ATP10A: variants seen among roughly 807,000 people sequenced by gnomAD.
ATP10A encodes the protein ATPase phospholipid transporting 10A (putative).
Under a neutral mutation model 147.8 loss-of-function variants are expected in ATP10A, and 111 were observed. The ratio of observed to expected loss-of-function variants is 0.75; its 90% confidence interval spans 0.64 to 0.88. The LOEUF is 0.88. Among genes scored for constraint, ATP10A ranks in the 40% least tolerant of loss-of-function variants. The pLI is 0.00. For missense variants in ATP10A, 1,927 were observed against 1,959.0 expected (o/e 0.98, Z 0.31); for synonymous variants, 875 against 841.6 (o/e 1.04, Z -0.69).
intron 2 of ATP10A, among the ~76,000 whole-genome samples, chr15:25,737,753 C>G (rs1031812330): frequency 2.6e-5 from 4 of 152,152 alleles, no homozygotes; most frequent in African/African-American, 9.7e-5. Flanking sequence ...GAGAGGAAGT[C>G]TTTAAAGAGG....
rs150127969 is a variant in ATP10A, at chr15:25,679,376, G to A, written c.4465C>T (p.Leu1489=). ...CGCCTTGAAGATGCTCCTATAAGTA[G>A]TCTGTGGTCTGGCCCTTGAAGTCCT... is the stretch of plus-strand genomic sequence containing the variant. ...RSGLQGPDHR[L]LIGASSRRSQ is the part of the protein sequence containing the mutation. The change falls in exon 21 of 21, where the codon CTA becomes TTA. Residue 1489 remains leucine (L), a synonymous_variant. Coordinates refer to ENST00000555815, the MANE Select transcript of ATP10A (RefSeq NM_024490.4). 3.7e-6 allele frequency: 6 copies of A among 1,600,152 alleles called. No homozygotes were observed. Among genetic ancestry groups the A allele is most frequent in the African/African-American group, 2.7e-5 (2 of 74,692 alleles).
intron 7 of ATP10A, 84 bp from the exon 8 acceptor site, chr15:25,718,483 C>T (rs1184338799): frequency 2.1e-6 from 3 of 1,418,224 alleles, no homozygotes; most frequent in Non-Finnish European, 2.9e-6. Context: ...TTTTAGGTTC[C>T]GCGAGGCTTC....
chr15:25,812,795 A>G (rs1396841950), intron 1 of ATP10A, among the ~76,000 whole-genome samples: 1 of 152,212 alleles, frequency 6.6e-6, no homozygotes, highest in East Asian at 1.9e-4. Context: ...AGAAGGACAA[A>G]GTGTGATTTC....
intron 12 of ATP10A, among the ~76,000 whole-genome samples, chr15:25,705,654 A>G (rs1214987336): frequency 6.6e-6 from 1 of 152,144 alleles, no homozygotes; most frequent in Non-Finnish European, 1.5e-5. Context: ...ACATAAACAT[A>G]TCAGGTAGCA....
At chr15:25,790,282 T>C (rs1222728914) in intron 1 of ATP10A, among the ~76,000 whole-genome samples, 2 of 152,216 alleles carry the variant, frequency 1.3e-5, no homozygotes, top group Non-Finnish European at 2.9e-5. Flanking sequence ...TAGTGTAGAC[T>C]AGATGCACAA....
At chr15:25,796,308 G>C (rs1890667232) in intron 1 of ATP10A, among the ~76,000 whole-genome samples, 1 of 152,166 alleles carries the variant, frequency 6.6e-6, no homozygotes, top group Non-Finnish European at 1.5e-5. Flanking sequence ...GGGAGGCTGA[G>C]GCAGGAGGAT....
Position 25,714,117 on chromosome 15 carries a change from C to A in ATP10A, c.1901G>T (p.Ser634Ile). 1 of 1,613,230 alleles carries A rather than the reference C, an allele frequency of 6.2e-7. No individual in the cohort carries two copies. The highest frequency in any genetic ancestry group is 2.2e-5 in the East Asian group (1 of 44,860). The part of the protein sequence containing the change: ...SIGSLAANKS[S>I]HKLGSSFPST... ...CGGGAAGCTGGAGCCCAACTTGTGG[C>A]TGGACTTGTTGGCGGCCAGGCTCCC... Residue 634 changes from serine (S) to isoleucine (I), a missense_variant, in exon 10 of 21, where the codon AGC becomes ATC. Physicochemically the swap from Ser to Ile is moderately radical, Grantham distance 142 (BLOSUM62 -2). Transcript: ENST00000555815.
chr15:25,677,785 G>T (rs1899169474), downstream of ATP10A: 1 of 152,214 alleles, frequency 6.6e-6, no homozygotes. Flanking sequence ...AGCAGCTCAG[G>T]TGTTCTAAGG....
intron 2 of ATP10A, among the ~76,000 whole-genome samples, chr15:25,765,388 C>T (rs1225958396): frequency 6.6e-6 from 1 of 152,172 alleles, no homozygotes; most frequent in Non-Finnish European, 1.5e-5. Context: ...AGAAGCCCTC[C>T]AGAACATTCA....
At chr15:25,708,487 T>C (rs1176628466) in intron 10 of ATP10A, 187 bp from the exon 11 acceptor site, 3 of 454,738 alleles carry the variant, frequency 6.6e-6, no homozygotes, top group Non-Finnish European at 1.2e-5. Flanking sequence ...TTTGACTGTT[T>C]TATTTTATTT....
At chr15:25,700,227 T>C (rs1372235565) in intron 13 of ATP10A, among the ~76,000 whole-genome samples, 5 of 152,104 alleles carry the variant, frequency 3.3e-5, no homozygotes, top group African/African-American at 1.2e-4. Context: ...AAAAAATCAA[T>C]GACAATGCGA....
upstream of ATP10A, chr15:25,864,930 A>T (rs1893921649): frequency 6.6e-6 from 1 of 152,296 alleles, no homozygotes; most frequent in South Asian, 2.1e-4. Context: ...CAAAGTCTCC[A>T]GGGGTGTCCG....
At chr15:25,856,513 A>G (rs1237349495) in intron 1 of ATP10A, among the ~76,000 whole-genome samples, 1 of 152,210 alleles carries the variant, frequency 6.6e-6, no homozygotes, top group Non-Finnish European at 1.5e-5. Flanking sequence ...TCCAATATCA[A>G]GCACTTATTT....
chr15:25,735,103 A>C (rs970629556), intron 3 of ATP10A, among the ~76,000 whole-genome samples: 1 of 152,032 alleles, frequency 6.6e-6, no homozygotes, highest in African/African-American at 2.4e-5. Flanking sequence ...CCCTGCCTCC[A>C]AGCAGGACAG....
At position 25,768,005 on chromosome 15, in the gene ATP10A, C is replaced by G. The variant is rs534701193; in HGVS notation, c.654+13014G>C. Among the ~76,000 whole-genome samples, 537 of 152,352 alleles carry G rather than the reference C, an allele frequency of 3.5e-3. 2 individuals are homozygous for G. The highest frequency in any genetic ancestry group is 0.013 in the African/African-American group (530 of 41,594). ...GGCCAAGGGGGTCCAACGGGCGCAC[C>G]AGGGCTGGCTCCCAAAGTCCCCTCA... On this transcript the variant is annotated intron_variant, in intron 2 of 20. Transcript: ENST00000555815.
At chr15:25,753,724 T>C (rs892536915) in intron 2 of ATP10A, among the ~76,000 whole-genome samples, 1 of 149,920 alleles carries the variant, frequency 6.7e-6, no homozygotes, top group African/African-American at 2.4e-5. Context: ...GCAGTTTCTA[T>C]CTATATAATC....
In ATP10A at chr15:25,716,802, G is replaced by T. The variant is rs757495231; in HGVS notation, c.1704C>A (p.Val568=). ...TGGTGAGTGCGATGAAGAAATCAAA[G>T]ACGTCAGACAGCTCAGGCGAGAGGT... ...LAHLSPELSD[V]FDFFIALTIC... is the part of the protein sequence containing the mutation. The change falls in exon 9 of 21, where the codon GTC becomes GTA. Residue 568 remains valine, a synonymous_variant. Transcript: ENST00000555815. The T allele has an allele frequency of 1.4e-5, 23 of 1,609,760 alleles. 1 individual carries two copies. The South Asian group carries it at 2.3e-4, about 16-fold the overall frequency.
chr15:25,708,200 C>T lies in ATP10A; in HGVS notation c.2445G>A (p.Lys815=). The T allele has an allele frequency of 1.2e-6, 2 of 1,614,238 alleles. No individual in the cohort carries two copies. The highest frequency in any genetic ancestry group is 1.7e-6 in the Non-Finnish European group (2 of 1,180,036). Reference sequence around the variant, plus strand: ...TCGCGGAGACACCCCCACTCACTCTCTTGGCGATGCACAAGGTGCGCAGGC... The same window carrying T: ...TCGCGGAGACACCCCCACTCACTCTTTTGGCGATGCACAAGGTGCGCAGGC... ...AEGLRTLCIA[K]RVLSKEEYAC... is the part of the protein sequence containing the mutation. The change falls in exon 11 of 21, where the codon AAG becomes AAA. Residue 815 remains lysine, a synonymous_variant. Transcript: ENST00000555815.
At chr15:25,695,236 C>T (rs1900257595) in intron 13 of ATP10A, 90 bp from the exon 14 acceptor site, 1 of 1,277,348 alleles carries the variant, frequency 7.8e-7, no homozygotes, top group African/African-American at 1.5e-5. Context: ...AGCTGACATC[C>T]TTCCGGGCTC....
Sources: allele counts gnomAD v4.1 joint callset (sites outside exome capture counted in the v4.1 genomes callset), GRCh38; gene constraint gnomAD v4.1.1; transcripts MANE v1.5; gene names NCBI Gene and HGNC (gene_info 2026-07-23, HGNC 2026-07-21).